The following TTC39B variants were observed in gnomAD, a reference collection of about 807,000 sequenced individuals.
The protein encoded by TTC39B is tetratricopeptide repeat domain 39B.
A neutral mutation model predicts 96.6 loss-of-function variants in TTC39B; 92 were observed. The observed-to-expected ratio is 0.95, with a 90% CI of 0.80 to 1.13. The LOEUF is 1.13. Ranked by LOEUF, TTC39B falls within the 50% of genes most tolerant of loss-of-function variation. The pLI is 0.00. For synonymous variants in TTC39B, 367 were observed against 299.4 expected (o/e 1.23, Z -2.33); for missense variants, 955 against 809.3 (o/e 1.18, Z -2.18).
chr9:15,209,004 AAGC>A, intron 6 of TTC39B, among the ~76,000 whole-genome samples: 1 of 152,290 alleles, frequency 6.6e-6, no homozygotes, highest in South Asian at 2.1e-4. Context: ...TAATCAGCCA[AAGC>A]TACTTCTAGT....
At chr9:15,234,121 C>A in intron 2 of TTC39B, among the ~76,000 whole-genome samples, 1 of 145,694 alleles carries the variant, frequency 6.9e-6, no homozygotes, top group Middle Eastern at 3.9e-3. Flanking sequence ...TCTGCCCGGC[C>A]GCCCCGTCTG....
intron 6 of TTC39B, 122 bp from the exon 7 acceptor site, chr9:15,204,012 C>G: frequency 1.3e-6 from 1 of 761,476 alleles, no homozygotes; most frequent in Non-Finnish European, 2.0e-6. Context: ...TTAGATTGCC[C>G]TTGTGCTTCC....
At chr9:15,297,467 G>A (rs1258559714) in intron 1 of TTC39B, among the ~76,000 whole-genome samples, 1 of 152,176 alleles carries the variant, frequency 6.6e-6, no homozygotes. Flanking sequence ...GCAGGAGAGA[G>A]AATGTCCAGG....
intron 6 of TTC39B, among the ~76,000 whole-genome samples, chr9:15,206,954 C>T (rs974639546): frequency 6.6e-6 from 1 of 152,150 alleles, no homozygotes; most frequent in East Asian, 1.9e-4. Context: ...GTGGTTTCTC[C>T]CATGCTGTTC....
chr9:15,256,622 T>A (rs1205355698), intron 2 of TTC39B, among the ~76,000 whole-genome samples: 1 of 152,040 alleles, frequency 6.6e-6, no homozygotes, highest in Non-Finnish European at 1.5e-5. Context: ...ACAAACAAGA[T>A]GCCAAGACAG....
chr9:15,192,195 T>G (rs1157356230), intron 9 of TTC39B, among the ~76,000 whole-genome samples: 6 of 152,212 alleles, frequency 3.9e-5, no homozygotes, highest in Non-Finnish European at 7.3e-5. Flanking sequence ...AGATTACTAC[T>G]CAGACTTCCA....
chr9:15,227,366 T>C (rs1033971157), intron 2 of TTC39B, among the ~76,000 whole-genome samples: 36 of 152,182 alleles, frequency 2.4e-4, no homozygotes, highest in African/African-American at 8.2e-4. Context: ...TTTTGTTTTT[T>C]TCCCCCATTG....
intron 1 of TTC39B, among the ~76,000 whole-genome samples, chr9:15,280,871 C>T (rs1823736621): frequency 6.6e-6 from 1 of 152,286 alleles, no homozygotes; most frequent in Admixed American, 6.5e-5. Context: ...AGGGCTCCCC[C>T]TACCATTCTA....
At chr9:15,300,337 A>C (rs1003837856) in intron 1 of TTC39B, among the ~76,000 whole-genome samples, 2 of 152,046 alleles carry the variant, frequency 1.3e-5, no homozygotes, top group African/African-American at 4.8e-5. Flanking sequence ...CTCCTCCCTC[A>C]CTGCACCACT....
At chr9:15,168,741 G>A (rs1027087160) in exon 20 of TTC39B, 4 of 152,256 alleles carry the variant, frequency 2.6e-5, no homozygotes, top group African/African-American at 9.7e-5. Context: ...GAACCTGGGA[G>A]GAGGAGCTTG....
chr9:15,284,146 C>T (rs902303003), intron 1 of TTC39B, among the ~76,000 whole-genome samples: 3 of 152,162 alleles, frequency 2.0e-5, no homozygotes, highest in African/African-American at 7.2e-5. Context: ...GACATGCACT[C>T]GTACACTGAA....
rs557085548 is a variant in TTC39B, at chr9:15,282,212, T to A, written c.241-14264A>T. ...AATAGAGACTGCCAGAAGTGATAAT[T>A]AGTATAACAGACCATATAACTAGTA... On this transcript the variant is annotated intron_variant, in intron 1 of 19. Coordinates refer to ENST00000512701, the Ensembl canonical transcript of TTC39B. 1.7e-4 allele frequency among the ~76,000 whole-genome samples: 26 copies of A among 152,296 alleles called. 1 individual carries two copies. The East Asian group carries it at 4.8e-3, about 28-fold the overall frequency.
chr9:15,251,382 G>T (rs1042525721), intron 2 of TTC39B, among the ~76,000 whole-genome samples: 2 of 151,342 alleles, frequency 1.3e-5, no homozygotes, highest in African/African-American at 4.9e-5. Flanking sequence ...GACCAACATG[G>T]AGAAACCCCG....
At position 15,250,056 on chromosome 9, in the gene TTC39B, C is replaced by T. The variant is rs536027411; in HGVS notation, c.275+17858G>A. The T allele has an allele frequency of 1.1e-5, 14 of 1,283,684 alleles. No individual in the cohort carries two copies. The African/African-American group carries it at 2.1e-4, about 20-fold the overall frequency. The allele number at this position is 1,283,684 out of a possible 1,614,324, so 79.5% of individuals were successfully genotyped here. The stretch of plus-strand genomic sequence containing the variant: ...CAATTTTAGAGCCAACAAAAATCCT[C>T]AATTTCTATTTTATTCCTTGGTCTC... On this transcript the variant is annotated intron_variant, in intron 2 of 19. Coordinates refer to ENST00000512701, the Ensembl canonical transcript of TTC39B.
intron 16 of TTC39B, among the ~76,000 whole-genome samples, chr9:15,184,011 T>C (rs1054837405): frequency 1.3e-5 from 2 of 152,184 alleles, no homozygotes; most frequent in African/African-American, 4.8e-5. Context: ...CATTGTTCTT[T>C]CTCATAGAAT....
intron 2 of TTC39B, among the ~76,000 whole-genome samples, chr9:15,258,894 A>G (rs1264353797): frequency 6.6e-6 from 1 of 152,160 alleles, no homozygotes; most frequent in Admixed American, 6.5e-5. Context: ...CATAGTGAAA[A>G]GCAGCATTTA....
chr9:15,167,962 T>C (rs1484226571), exon 20 of TTC39B: 2 of 152,196 alleles, frequency 1.3e-5, no homozygotes, highest in Non-Finnish European at 2.9e-5. Flanking sequence ...ACACTGACCA[T>C]CTGCAGATAA....
intron 1 of TTC39B, among the ~76,000 whole-genome samples, chr9:15,286,696 A>G (rs937396001): frequency 1.3e-5 from 2 of 152,218 alleles, no homozygotes; most frequent in African/African-American, 4.8e-5. Context: ...AATGACGCTG[A>G]AACTGAGCTT....
At chr9:15,199,956 A>G in intron 7 of TTC39B, 31 bp from the exon 8 acceptor site, 1 of 1,365,018 alleles carries the variant, frequency 7.3e-7, no homozygotes. Flanking sequence ...AAATTAGATT[A>G]TTTAGCAAAA....
Sources: gnomAD v4.1 joint callset for allele counts (sites outside exome capture counted in the v4.1 genomes callset) on GRCh38, gnomAD v4.1.1 for gene constraint, MANE v1.5 for transcripts, NCBI Gene and HGNC (gene_info 2026-07-23, HGNC 2026-07-21) for gene names.